The following FILIP1L variants were observed in gnomAD, a reference collection of about 807,000 sequenced individuals.
FILIP1L encodes the protein filamin A interacting protein 1 like, also known as filamin A-interacting protein 1-like.
Under a neutral mutation model 96.6 loss-of-function variants are expected in FILIP1L, and 55 were observed. The ratio of observed to expected loss-of-function variants is 0.57; its 90% CI spans 0.46 to 0.71. The LOEUF is 0.71. FILIP1L is among the 30% of genes least tolerant of loss of function. The pLI, the probability that FILIP1L is intolerant of heterozygous loss-of-function variation, is 0.00. For missense variants in FILIP1L, 1,304 were observed against 1,321.2 expected (o/e 0.99, Z 0.20); for synonymous variants, 467 against 473.9 (o/e 0.99, Z 0.19).
At chr3:100,066,532 T>C (rs1222276983) in intron 1 of FILIP1L, among the ~76,000 whole-genome samples, 1 of 81,060 alleles carries the variant, frequency 1.2e-5, no homozygotes, top group East Asian at 3.2e-4. Context: ...TTTTTTTTTT[T>C]TTTTTTTTTT....
rs564020510 is a variant in FILIP1L, at chr3:100,006,701, A to T, written c.-10-75671T>A. On this transcript the variant is annotated intron_variant, in intron 1 of 5. Transcript: ENST00000477258. The stretch of plus-strand genomic sequence containing the variant: ...GCTTGGGTTGCACTCAGCCCTTAGC[A>T]TAGTGACTCCCAGAGTTTGCTAGTT... Among the ~76,000 whole-genome samples, 11 of 152,186 alleles carry T rather than the reference A, an allele frequency of 7.2e-5. 1 individual carries two copies. In the East Asian group the frequency reaches 1.7e-3, roughly 24 times the overall value.
chr3:99,866,066 C>T (rs1325477199), intron 4 of FILIP1L, among the ~76,000 whole-genome samples: 1 of 152,010 alleles, frequency 6.6e-6, no homozygotes, highest in African/African-American at 2.4e-5. Flanking sequence ...CGTTGGGCTG[C>T]TTTTCTTTCC....
chr3:100,062,272 C>T (rs2065585813), intron 1 of FILIP1L, among the ~76,000 whole-genome samples: 1 of 151,636 alleles, frequency 6.6e-6, no homozygotes, highest in Non-Finnish European at 1.5e-5. Flanking sequence ...CCACCACGCC[C>T]AGCTATTTTT....
chr3:99,848,108 T>G (rs1209217450), intron 5 of FILIP1L, 187 bp downstream of exon 5: 1 of 1,446,914 alleles, frequency 6.9e-7, no homozygotes, highest in East Asian at 2.5e-5. Flanking sequence ...GCACACTCGA[T>G]ATGACTATGC....
At chr3:99,841,574 C>T (rs1165890851) in intron 5 of FILIP1L, among the ~76,000 whole-genome samples, 1 of 152,142 alleles carries the variant, frequency 6.6e-6, no homozygotes, top group Non-Finnish European at 1.5e-5. Flanking sequence ...CTTTGTAGGT[C>T]TGTAGGGCTT....
chr3:99,991,815 A>G (rs141997220), intron 1 of FILIP1L, among the ~76,000 whole-genome samples: 19 of 137,920 alleles, frequency 1.4e-4, no homozygotes, highest in African/African-American at 5.1e-4. Flanking sequence ...ATAGTATTCC[A>G]TGGTGTGTGT....
intron 5 of FILIP1L, chr3:99,847,815 T>C (rs549543762): frequency 1.6e-4 from 55 of 337,934 alleles, no homozygotes; most frequent in African/African-American, 1.2e-3. Flanking sequence ...GGGACATAGG[T>C]CCTGTTTGTT....
At chr3:99,955,938 A>C (rs1013065589) in intron 1 of FILIP1L, among the ~76,000 whole-genome samples, 1 of 152,166 alleles carries the variant, frequency 6.6e-6, no homozygotes, top group Non-Finnish European at 1.5e-5. Context: ...CATAGCGCTT[A>C]CCACATTGTT....
intron 1 of FILIP1L, among the ~76,000 whole-genome samples, chr3:100,074,783 T>TA (rs2065823822): frequency 7.2e-6 from 1 of 138,640 alleles, no homozygotes; most frequent in African/African-American, 2.6e-5. Flanking sequence ...AACCTCTGCC[T>TA]ACTGGGTTCA....
chr3:100,099,665 A>G (rs1287482765), intron 1 of FILIP1L, among the ~76,000 whole-genome samples: 2 of 152,212 alleles, frequency 1.3e-5, no homozygotes, highest in African/African-American at 4.8e-5. Flanking sequence ...CTATATAAAT[A>G]TACCATGTTA....
intron 5 of FILIP1L, among the ~76,000 whole-genome samples, chr3:99,830,860 C>G (rs902285579): frequency 6.6e-6 from 1 of 152,220 alleles, no homozygotes; most frequent in Admixed American, 6.5e-5. Context: ...ATTTGGCAAT[C>G]ACGGTGTAGT....
At chr3:99,980,305 G>GT (rs1267034949) in intron 1 of FILIP1L, among the ~76,000 whole-genome samples, 4 of 152,252 alleles carry the variant, frequency 2.6e-5, no homozygotes, top group East Asian at 3.9e-4. Flanking sequence ...TAACCTCTCT[G>GT]TATCTCAGTT....
At chr3:99,942,150 C>T (rs1035182369) in intron 1 of FILIP1L, among the ~76,000 whole-genome samples, 14 of 150,738 alleles carry the variant, frequency 9.3e-5, no homozygotes, top group African/African-American at 9.8e-5. Flanking sequence ...TGTAGTGAGC[C>T]GAGATCGTGC....
chr3:99,931,022 C>G lies in FILIP1L; in HGVS notation c.-2G>C. Reference sequence around the variant, plus strand: ...GGTATCACTGCCTCTGGAACGCATTCTTTAAAGCCTGGAAGGAGGGAAGAA... The same window carrying G: ...GGTATCACTGCCTCTGGAACGCATTGTTTAAAGCCTGGAAGGAGGGAAGAA... On this transcript the variant is annotated 5_prime_UTR_variant, in exon 2 of 6. Transcript: ENST00000477258. The G allele has an allele frequency of 6.2e-7, 1 of 1,612,272 alleles. No individual in the cohort carries two copies. The highest frequency in any genetic ancestry group is 8.5e-7 in the Non-Finnish European group (1 of 1,179,218).
chr3:100,018,297 G>A (rs1710403654), intron 1 of FILIP1L, among the ~76,000 whole-genome samples: 1 of 152,168 alleles, frequency 6.6e-6, no homozygotes, highest in African/African-American at 2.4e-5. Flanking sequence ...TTGCACTCCA[G>A]CCTAGGCGAC....
intron 1 of FILIP1L, among the ~76,000 whole-genome samples, chr3:100,012,617 A>G (rs1710190838): frequency 1.3e-5 from 2 of 152,112 alleles, no homozygotes; most frequent in Admixed American, 1.3e-4. Context: ...CGTGGGCCTA[A>G]TTATTTCATA....
intron 4 of FILIP1L, among the ~76,000 whole-genome samples, chr3:99,865,555 T>G (rs1436910522): frequency 6.6e-6 from 1 of 152,170 alleles, no homozygotes; most frequent in Non-Finnish European, 1.5e-5. Context: ...GCAAGTTTCG[T>G]CATTTGGCAT....
intron 1 of FILIP1L, among the ~76,000 whole-genome samples, chr3:99,933,475 A>G (rs1707556027): frequency 6.6e-6 from 1 of 152,206 alleles, no homozygotes; most frequent in South Asian, 2.1e-4. Context: ...TTATAAAAAT[A>G]TTCATGTACT....
At chr3:100,042,111 C>A (rs1220115884) in intron 1 of FILIP1L, among the ~76,000 whole-genome samples, 1 of 152,008 alleles carries the variant, frequency 6.6e-6, no homozygotes, top group African/African-American at 2.4e-5. Flanking sequence ...AATAGAAATT[C>A]TGGAATTTGA....
Sources: gnomAD v4.1 joint callset for allele counts (sites outside exome capture counted in the v4.1 genomes callset) on GRCh38, gnomAD v4.1.1 for gene constraint, MANE v1.5 for transcripts, NCBI Gene and HGNC (gene_info 2026-07-23, HGNC 2026-07-21) for gene names.